Variants in PLCL2 observed in about 807,000 individuals in gnomAD.
PLCL2 encodes the protein phospholipase C like 2, also known as inactive phospholipase C-like protein 2.
In PLCL2, 4 loss-of-function variants were observed where a neutral mutation model predicts 79.6. The ratio of observed to expected loss-of-function variants is 0.05; its 90% CI spans 0.02 to 0.11. The LOEUF is 0.11. Ranked by LOEUF, PLCL2 falls within the 10% of genes least tolerant of loss-of-function variation. PLCL2 has a pLI of 1.00. For synonymous variants in PLCL2, 484 were observed against 457.7 expected, an observed-to-expected ratio of 1.06 and a Z score of -0.73; for missense variants, 895 against 1,291.0, an observed-to-expected ratio of 0.69 and a Z score of 4.70.
chr3:16,915,367 A>T (rs909895325), intron 1 of PLCL2, among the ~76,000 whole-genome samples: 5 of 152,204 alleles, frequency 3.3e-5, no homozygotes, highest in Non-Finnish European at 5.9e-5. Context: ...ATATACACAC[A>T]TTCACTGTAC....
intron 5 of PLCL2, 82 bp downstream of exon 5, chr3:17,068,147 C>A: frequency 1.3e-6 from 1 of 764,722 alleles, no homozygotes; most frequent in Non-Finnish European, 2.3e-6. Context: ...ACATTTCCTG[C>A]ATTGTACATG....
chr3:16,955,975 C>T (rs2063701255), intron 1 of PLCL2, among the ~76,000 whole-genome samples: 1 of 152,216 alleles, frequency 6.6e-6, no homozygotes, highest in Non-Finnish European at 1.5e-5. Flanking sequence ...CATCTGCAAA[C>T]AGGGACAATT....
intron 1 of PLCL2, among the ~76,000 whole-genome samples, chr3:17,001,388 G>C (rs1297557637): frequency 6.6e-6 from 1 of 151,578 alleles, no homozygotes; most frequent in African/African-American, 2.4e-5. Context: ...ATTTATTTTT[G>C]TTTTTGTGAC....
chr3:17,045,563 G>A (rs995283563), intron 4 of PLCL2, among the ~76,000 whole-genome samples: 5 of 152,186 alleles, frequency 3.3e-5, no homozygotes, highest in African/African-American at 4.8e-5. Context: ...CATGGAAAGA[G>A]CAGTGGAAAC....
chr3:17,028,888 C>G (rs1303688712), intron 3 of PLCL2, among the ~76,000 whole-genome samples: 1 of 152,186 alleles, frequency 6.6e-6, no homozygotes, highest in Non-Finnish European at 1.5e-5. Context: ...TACTCAAAAT[C>G]CATTTTTGGT....
Position 17,009,707 on chromosome 3 carries a change from A to G in PLCL2, c.361A>G (p.Thr121Ala). The G allele has an allele frequency of 6.2e-7, 1 of 1,605,358 alleles. No homozygotes were observed. Among genetic ancestry groups the G allele is most frequent in the Non-Finnish European group, 8.5e-7 (1 of 1,172,530 alleles). The change falls in exon 2 of 6, where the codon ACA becomes GCA. Residue 121 changes from threonine (T) to alanine (A), a missense_variant. Around this residue, in one of 6 missense-constraint regions of PLCL2, gnomAD observed 129 missense variants for 208.8 expected, o/e 0.62. Transcript: ENST00000615277. This position sits in a 1 kb window ranked among gnomAD's most constrained non-coding sequence, Gnocchi z 4.0. ...GTKQKRERKK[T>A]VSFSSMPTEK... ...AAAACAGAAGAGGGAACGGAAAAAG[A>G]CAGTCTCATTCAGCAGCATGCCAAC...
At chr3:17,082,915 T>G (rs1208918253) in intron 5 of PLCL2, among the ~76,000 whole-genome samples, 1 of 152,152 alleles carries the variant, frequency 6.6e-6, no homozygotes, top group Non-Finnish European at 1.5e-5. Flanking sequence ...AACTCATTGT[T>G]TAGGGGGCAG....
At chr3:17,059,474 T>G (rs1380671527) in intron 4 of PLCL2, among the ~76,000 whole-genome samples, 1 of 77,776 alleles carries the variant, frequency 1.3e-5, no homozygotes, top group African/African-American at 5.8e-5. Flanking sequence ...GTATATGTAT[T>G]TCTGTATATA....
intron 1 of PLCL2, among the ~76,000 whole-genome samples, chr3:16,892,963 T>C (rs1696385981): frequency 6.6e-6 from 1 of 152,246 alleles, no homozygotes; most frequent in Non-Finnish European, 1.5e-5. Context: ...TTTGATTTTT[T>C]CTTTCTTCTC....
intron 1 of PLCL2, among the ~76,000 whole-genome samples, chr3:16,976,262 A>T (rs1286477503): frequency 6.6e-6 from 1 of 151,992 alleles, no homozygotes; most frequent in African/African-American, 2.4e-5. Flanking sequence ...ACATGGAAAA[A>T]TTTTTAAGAA....
At chr3:17,047,105 G>C (rs2064788127) in intron 4 of PLCL2, among the ~76,000 whole-genome samples, 1 of 152,146 alleles carries the variant, frequency 6.6e-6, no homozygotes, top group Non-Finnish European at 1.5e-5. Flanking sequence ...CTTCTGGGGA[G>C]GGAGAATTGT....
At chr3:16,968,765 T>G (rs1280163657) in intron 1 of PLCL2, among the ~76,000 whole-genome samples, 1 of 152,040 alleles carries the variant, frequency 6.6e-6, no homozygotes. Flanking sequence ...TTTTATTTCT[T>G]TCTCTTGCCT....
At chr3:17,055,237 G>A (rs1340754973) in intron 4 of PLCL2, among the ~76,000 whole-genome samples, 1 of 152,100 alleles carries the variant, frequency 6.6e-6, no homozygotes, top group African/African-American at 2.4e-5. Flanking sequence ...TTAAAGACTG[G>A]ATATTGAACC....
intron 1 of PLCL2, among the ~76,000 whole-genome samples, chr3:16,991,428 C>CT (rs1269676180): frequency 3.9e-5 from 6 of 152,186 alleles, no homozygotes; most frequent in African/African-American, 1.2e-4. Flanking sequence ...GATCACCTCT[C>CT]TGAGTGCTGT....
At position 16,910,114 on chromosome 3, in the gene PLCL2, C is replaced by T. The variant is rs1037356716; in HGVS notation, c.327+24748C>T. 4.6e-5 allele frequency among the ~76,000 whole-genome samples: 7 copies of T among 152,318 alleles called. No homozygotes were observed. In the East Asian group the frequency reaches 1.3e-3, roughly 29 times the overall value. On this transcript the variant is annotated intron_variant, in intron 1 of 5. Transcript: ENST00000615277. ...AGTTTTCACTCTCTACTGGATTATT[C>T]CCATCAGCATCAAACATTCTGAGAT...
At chr3:16,945,277 C>T (rs2063591082) in intron 1 of PLCL2, among the ~76,000 whole-genome samples, 1 of 152,106 alleles carries the variant, frequency 6.6e-6, no homozygotes, top group Admixed American at 6.6e-5. Flanking sequence ...CACACATGCA[C>T]ACACAGCACT....
At chr3:17,042,119 T>C (rs1210687434) in intron 3 of PLCL2, among the ~76,000 whole-genome samples, 1 of 152,178 alleles carries the variant, frequency 6.6e-6, no homozygotes, top group East Asian at 1.9e-4. Context: ...ATTGTACCCA[T>C]TTGAGCCATG....
intron 1 of PLCL2, among the ~76,000 whole-genome samples, chr3:16,904,348 T>TA (rs1230179735): frequency 1.3e-5 from 2 of 150,942 alleles, no homozygotes; most frequent in African/African-American, 2.4e-5. Context: ...TGTTAACACT[T>TA]ACGTTTACTG....
Position 16,885,342 on chromosome 3 carries a change from G to A in PLCL2, c.303G>A (p.Leu101=). The change falls in exon 1 of 6, where the codon CTG becomes CTA. Residue 101 remains leucine (L), a synonymous_variant. Coordinates refer to ENST00000615277, the MANE Select transcript of PLCL2 (RefSeq NM_001144382.2). The part of the protein sequence containing the change: ...TLPRESKPGG[L]PRRSSIIKDG... Reference sequence around the variant, plus strand: ...CCCGGGAGAGCAAGCCGGGCGGCCTGCCCCGCCGGAGCAGCATCATCAAGG... The same window carrying A: ...CCCGGGAGAGCAAGCCGGGCGGCCTACCCCGCCGGAGCAGCATCATCAAGG... 1.5e-6 allele frequency: 1 copy of A among 652,664 alleles called. No individual in the cohort carries two copies. The highest frequency in any genetic ancestry group is 2.8e-6 in the Non-Finnish European group (1 of 361,574). 40.4% of individuals were successfully genotyped at this position (652,664 alleles called of 1,614,324 possible). A position where few individuals can be genotyped will look rare whatever the true frequency, so the allele number is the denominator to read the frequency against.
Sources: allele counts gnomAD v4.1 joint callset (sites outside exome capture counted in the v4.1 genomes callset), GRCh38; gene constraint gnomAD v4.1.1; regional missense constraint gnomAD v4.1.1; non-coding constraint Gnocchi (gnomAD v3.1); transcripts MANE v1.5; gene names NCBI Gene and HGNC (gene_info 2026-07-23, HGNC 2026-07-21).